Variants in MTUS1 observed in about 807,000 individuals in gnomAD.
MTUS1 encodes microtubule-associated tumor suppressor 1.
Under a neutral mutation model 120.8 loss-of-function variants are expected in MTUS1, and 109 were observed. That is an observed-to-expected ratio of 0.90 (90% CI 0.77 to 1.06). MTUS1 has a LOEUF of 1.06. Among genes scored for constraint, MTUS1 ranks in the 50% least tolerant of loss-of-function variants. MTUS1 has a pLI of 0.00. For synonymous variants in MTUS1, 737 were observed against 550.5 expected, an observed-to-expected ratio of 1.34 and a Z score of -4.74; for missense variants, 2,210 against 1,486.3, an observed-to-expected ratio of 1.49 and a Z score of -8.01.
intron 1 of MTUS1, among the ~76,000 whole-genome samples, chr8:17,767,867 C>G (rs555734172): frequency 1.5e-4 from 23 of 152,230 alleles, no homozygotes; most frequent in African/African-American, 4.6e-4. Flanking sequence ...ATGATGGAGA[C>G]TGATGCTTCG....
Position 17,754,558 on chromosome 8 carries a change from T to C in MTUS1, c.1250A>G (p.Asp417Gly), listed in dbSNP as rs1041099391. The C allele has an allele frequency of 1.9e-6, 3 of 1,614,094 alleles. No homozygotes were observed. The highest frequency in any genetic ancestry group is 2.5e-6 in the Non-Finnish European group (3 of 1,180,060). The change falls in exon 2 of 15, where the codon GAT (aspartate) becomes GGT (glycine). Residue 417 changes from aspartate to glycine, a missense_variant. By Grantham distance (94) the Asp-to-Gly change is moderately conservative. Transcript: ENST00000693296. ...CGTTTTGTCTGTGCTAATGACCATATCATTTGCATCCCAAGTCAGTCCAAA... is the reference window on the plus strand; with the variant it reads ...CGTTTTGTCTGTGCTAATGACCATACCATTTGCATCCCAAGTCAGTCCAAA... The part of the protein sequence containing the change: ...SSFGLTWDAN[D>G]MVISTDKTMC...
At chr8:17,699,960 T>C (rs936445510) in intron 6 of MTUS1, among the ~76,000 whole-genome samples, 1 of 152,226 alleles carries the variant, frequency 6.6e-6, no homozygotes, top group Admixed American at 6.5e-5. Context: ...AAAAAATTCT[T>C]TGATTATTTG....
chr8:17,781,038 A>C (rs76475074), intron 1 of MTUS1: 3 of 152,188 alleles, frequency 2.0e-5, no homozygotes, highest in Non-Finnish European at 4.4e-5. Context: ...CAGGTGTGCA[A>C]ACAGAATTAT....
intron 8 of MTUS1, among the ~76,000 whole-genome samples, chr8:17,672,235 A>G (rs1398371947): frequency 1.3e-5 from 2 of 152,252 alleles, no homozygotes; most frequent in East Asian, 1.9e-4. Context: ...ACAGCTGTCA[A>G]GCTGCATACA....
At chr8:17,698,717 T>C (rs1818456436) in intron 6 of MTUS1, among the ~76,000 whole-genome samples, 1 of 152,152 alleles carries the variant, frequency 6.6e-6, no homozygotes, top group Non-Finnish European at 1.5e-5. Flanking sequence ...ATAAGTTCTC[T>C]TCCCTCAAGC....
chr8:17,678,684 T>C (rs1167016135), intron 7 of MTUS1, among the ~76,000 whole-genome samples: 2 of 151,316 alleles, frequency 1.3e-5, no homozygotes, highest in Non-Finnish European at 2.9e-5. Flanking sequence ...CAAGTCAACT[T>C]TACTGCTAGT....
chr8:17,711,280 C>G (rs1821248268), intron 6 of MTUS1, among the ~76,000 whole-genome samples: 2 of 152,222 alleles, frequency 1.3e-5, no homozygotes, highest in African/African-American at 4.8e-5. Context: ...GAGGCTGTTT[C>G]ACCTACACTG....
intron 3 of MTUS1, among the ~76,000 whole-genome samples, chr8:17,734,496 G>A (rs749489108): frequency 2.6e-5 from 4 of 151,936 alleles, no homozygotes; most frequent in Admixed American, 1.3e-4. Context: ...ACGATGACTC[G>A]AACTCCACAG....
At chr8:17,744,339 A>G (rs765535303) in intron 2 of MTUS1, among the ~76,000 whole-genome samples, 10 of 152,204 alleles carry the variant, frequency 6.6e-5, no homozygotes, top group Non-Finnish European at 1.2e-4. Context: ...TTTCATCTAC[A>G]TAATAAGAAC....
intron 8 of MTUS1, among the ~76,000 whole-genome samples, chr8:17,671,268 T>A (rs3862089): frequency 6.6e-6 from 1 of 151,316 alleles, no homozygotes. Flanking sequence ...TTTTCATACA[T>A]TGTTCTAAAA....
chr8:17,696,128 G>C (rs1817891259), intron 6 of MTUS1, among the ~76,000 whole-genome samples: 1 of 152,174 alleles, frequency 6.6e-6, no homozygotes, highest in South Asian at 2.1e-4. Context: ...GCGGCCCTGA[G>C]CTGGGAGAGG....
intron 3 of MTUS1, among the ~76,000 whole-genome samples, chr8:17,741,600 A>G (rs1251575829): frequency 6.6e-6 from 1 of 152,228 alleles, no homozygotes; most frequent in South Asian, 2.1e-4. Flanking sequence ...CACATTATGC[A>G]ACACAGAGTA....
chr8:17,712,234 C>A (rs368587024), intron 6 of MTUS1, among the ~76,000 whole-genome samples: 2 of 152,140 alleles, frequency 1.3e-5, no homozygotes, highest in African/African-American at 4.8e-5. Context: ...CTCTTCTAAT[C>A]TGCCATGGAT....
chr8:17,770,845 G>A (rs1451103320), intron 1 of MTUS1, among the ~76,000 whole-genome samples: 1 of 152,102 alleles, frequency 6.6e-6, no homozygotes, highest in Non-Finnish European at 1.5e-5. Flanking sequence ...ACAAAAACAT[G>A]ACAAGTTCTT....
intron 6 of MTUS1, chr8:17,706,240 C>G (rs1355988658): frequency 6.6e-6 from 1 of 152,124 alleles, no homozygotes; most frequent in Non-Finnish European, 1.5e-5. Context: ...TAAAACAATT[C>G]TATGATGTCA....
chr8:17,728,722 G>C (rs1374436910), intron 3 of MTUS1, among the ~76,000 whole-genome samples: 1 of 149,536 alleles, frequency 6.7e-6, no homozygotes, highest in Non-Finnish European at 1.5e-5. Context: ...GGCATTGAAT[G>C]CCAGACTCAT....
intron 12 of MTUS1, 54 bp downstream of exon 12, chr8:17,653,132 A>G: frequency 9.6e-7 from 1 of 1,042,700 alleles, no homozygotes. Context: ...AATGACTCTA[A>G]AAGGCAACTG....
rs148035110 is a variant in MTUS1 at position 17,720,156 on chromosome 8, C to A, written c.2449+3516G>T. Among the ~76,000 whole-genome samples the A allele has an allele frequency of 3.7e-3, 565 of 152,168 alleles. 1 individual carries two copies. Among genetic ancestry groups the A allele is most frequent in the African/African-American group, 0.013 (534 of 41,512 alleles). Reference sequence around the variant, plus strand: ...GGTTAGGAGTTCGAGACCATCCTGGCCAACATGGTGAAACCCCATCTCTAC... The same window carrying A: ...GGTTAGGAGTTCGAGACCATCCTGGACAACATGGTGAAACCCCATCTCTAC... On this transcript the variant is annotated intron_variant, in intron 4 of 14. Coordinates refer to ENST00000693296, the MANE Select transcript of MTUS1 (RefSeq NM_001363059.2).
chr8:17,794,210 C>T (rs2052031535), intron 1 of MTUS1, among the ~76,000 whole-genome samples: 1 of 152,026 alleles, frequency 6.6e-6, no homozygotes, highest in South Asian at 2.1e-4. Context: ...TGCCTGTAAT[C>T]CCAGCTACTC....
Sources: gnomAD v4.1 joint callset for allele counts (sites outside exome capture counted in the v4.1 genomes callset) on GRCh38, gnomAD v4.1.1 for gene constraint, MANE v1.5 for transcripts, NCBI Gene and HGNC (gene_info 2026-07-23, HGNC 2026-07-21) for gene names.